Variants in AP2A2 observed in about 807,000 individuals in gnomAD.
AP2A2 encodes the protein adaptor related protein complex 2 subunit alpha 2, also known as AP-2 complex subunit alpha-2.
AP2A2 carries 32 observed loss-of-function variants against 104.2 expected under a neutral mutation model. The observed-to-expected ratio is 0.31, with a 90% CI of 0.23 to 0.41. The LOEUF (loss-of-function observed/expected upper bound fraction) is 0.41. Among genes scored for constraint, AP2A2 ranks in the 10% least tolerant of loss-of-function variants. The probability of loss-of-function intolerance (pLI) is 1.00; values close to 1 mark genes in which losing one functional copy is unlikely to be tolerated. For synonymous variants in AP2A2, 539 were observed against 533.3 expected, an observed-to-expected ratio of 1.01 and a Z score of -0.15; for missense variants, 912 against 1,261.0, an observed-to-expected ratio of 0.72 and a Z score of 4.19.
At chr11:967,571 A>G (rs1238217508) in intron 2 of AP2A2, among the ~76,000 whole-genome samples, 1 of 149,300 alleles carries the variant, frequency 6.7e-6, no homozygotes, top group Non-Finnish European at 1.5e-5. Flanking sequence ...CGTGTTAGTC[A>G]GGATGGTCTC....
rs757190222 is a variant in AP2A2 at position 935,603 on chromosome 11, G to GT, written c.67+9537dup. On this transcript the variant is annotated intron_variant, in intron 1 of 21. Coordinates refer to ENST00000448903, the MANE Select transcript of AP2A2 (RefSeq NM_012305.4). ...AAGTGTGAGCCACTGTGCCCGGCCA[G>GT]TTTTTTTTTTTTTTTTTTTTTTGAG... Among the ~76,000 whole-genome samples, 83 of 77,960 alleles carry GT rather than the reference G, an allele frequency of 1.1e-3. 4 individuals are homozygous for GT. Among genetic ancestry groups the GT allele is most frequent in the Non-Finnish European group, 1.4e-3 (60 of 41,584 alleles). 51.1% of individuals were successfully genotyped at this position (77,960 alleles called of 152,430 possible). A position where few individuals can be genotyped will look rare whatever the true frequency, so the allele number is the denominator to read the frequency against.
At chr11:1,008,875 A>AG (rs1856302160) in intron 18 of AP2A2, 1 of 568,274 alleles carries the variant, frequency 1.8e-6, no homozygotes, top group African/African-American at 1.9e-5. Context: ...AGTGAGGCAC[A>AG]GGGACGTCCT....
rs1335875239 is a variant in AP2A2, at chr11:964,098, C to A, written c.136+4593C>A. ...ACTGGAGACCCCCTTCCACTGTGAA[C>A]TGAAGGCCTCACCAGAGGGAATACC... On this transcript the variant is annotated intron_variant, in intron 2 of 21. Transcript: ENST00000448903. Among the ~76,000 whole-genome samples the A allele has an allele frequency of 3.3e-5, 5 of 152,338 alleles. No individual in the cohort carries two copies. The East Asian group carries it at 9.6e-4, about 29-fold the overall frequency.
At chr11:990,669 C>T (rs1484831511) in intron 10 of AP2A2, among the ~76,000 whole-genome samples, 1 of 151,926 alleles carries the variant, frequency 6.6e-6, no homozygotes, top group Non-Finnish European at 1.5e-5. Context: ...ACATGATGCT[C>T]CCCTCACCCC....
chr11:950,886 A>T (rs1854029545), intron 1 of AP2A2, among the ~76,000 whole-genome samples: 1 of 152,164 alleles, frequency 6.6e-6, no homozygotes, highest in African/African-American at 2.4e-5. Flanking sequence ...CGAGGTCAGG[A>T]GTTCAAGACC....
At chr11:927,506 C>G (rs1853157928) in intron 1 of AP2A2, among the ~76,000 whole-genome samples, 1 of 137,848 alleles carries the variant, frequency 7.3e-6, no homozygotes, top group African/African-American at 2.7e-5. Flanking sequence ...TTCCTGTACT[C>G]TGTTAAAAAA....
chr11:985,827 C>T (rs1270903947), intron 8 of AP2A2, among the ~76,000 whole-genome samples: 1 of 152,230 alleles, frequency 6.6e-6, no homozygotes, highest in African/African-American at 2.4e-5. Context: ...TTTCCTCCTT[C>T]CCCTGAGCAT....
At chr11:989,329 G>T (rs577021459) in intron 10 of AP2A2, among the ~76,000 whole-genome samples, 1 of 150,300 alleles carries the variant, frequency 6.7e-6, no homozygotes, top group South Asian at 2.1e-4. Flanking sequence ...GCGAAACTCT[G>T]TCTCAAAAAA....
At chr11:987,889 C>T (rs1349434453) in intron 9 of AP2A2, among the ~76,000 whole-genome samples, 4 of 152,246 alleles carry the variant, frequency 2.6e-5, no homozygotes, top group Non-Finnish European at 5.9e-5. Context: ...GTCCCCCGCA[C>T]GTCTGCGTGC....
chr11:998,235 CT>C (rs1355989827), intron 14 of AP2A2, among the ~76,000 whole-genome samples: 1 of 152,212 alleles, frequency 6.6e-6, no homozygotes, highest in Non-Finnish European at 1.5e-5. Context: ...CCCGTGTCGT[CT>C]TCTCTTGCAG....
intron 4 of AP2A2, 118 bp from the exon 5 acceptor site, chr11:976,977 G>A (rs541723004): frequency 9.8e-6 from 14 of 1,434,466 alleles, no homozygotes; most frequent in South Asian, 3.9e-5. Context: ...CCTGAGTGCT[G>A]TCTTGGCCCC....
rs1261056856 is a variant in AP2A2 at position 984,736 on chromosome 11, A to G, written c.797A>G (p.Gln266Arg). Residue 266 changes from glutamine to arginine, a missense_variant, in exon 7 of 22, where the codon CAG (glutamine) becomes CGG (arginine). Coordinates refer to ENST00000448903, the MANE Select transcript of AP2A2 (RefSeq NM_012305.4). The stretch of plus-strand genomic sequence containing the variant: ...TCTGTCAAACTGCTGAGACTGCTGC[A>G]GTGCTACCCACCCCCAGGTAACGCG... ...WLSVKLLRLL[Q>R]CYPPPDPAVR... 1 of 1,612,168 alleles carries G rather than the reference A, an allele frequency of 6.2e-7. No homozygotes were observed.
intron 14 of AP2A2, among the ~76,000 whole-genome samples, chr11:994,667 CT>C (rs1274250166): frequency 2.9e-5 from 4 of 138,828 alleles, no homozygotes; most frequent in Admixed American, 2.8e-4. Flanking sequence ...GGATGCCCCC[CT>C]GGCCTGTCCC....
In AP2A2 at chr11:1,010,731, C is replaced by T. The variant is rs1359262086; in HGVS notation, c.*106C>T. On this transcript the variant is annotated 3_prime_UTR_variant, in exon 22 of 22. Coordinates refer to ENST00000448903, the MANE Select transcript of AP2A2 (RefSeq NM_012305.4). ...GAGCACCGTGTCCAGTGCCACAGCA[C>T]AAGGCGCCTCCCCGCCCCGCCGCCC... The T allele has an allele frequency of 2.0e-5, 19 of 947,750 alleles. No homozygotes were observed. Among genetic ancestry groups the T allele is most frequent in the Admixed American group, 8.0e-5 (4 of 50,312 alleles). 58.7% of individuals were successfully genotyped at this position (947,750 alleles called of 1,614,324 possible). A position where few individuals can be genotyped will look rare whatever the true frequency, so the allele number is the denominator to read the frequency against.
At chr11:998,002 C>T (rs542483671) in intron 14 of AP2A2, among the ~76,000 whole-genome samples, 1 of 152,380 alleles carries the variant, frequency 6.6e-6, no homozygotes, top group East Asian at 1.9e-4. Flanking sequence ...GAGAAACTGT[C>T]TCCATTTGGG....
At chr11:984,351 C>T (rs1243764689) in intron 6 of AP2A2, among the ~76,000 whole-genome samples, 1 of 152,122 alleles carries the variant, frequency 6.6e-6, no homozygotes, top group Admixed American at 6.6e-5. Context: ...TCTCTGATTT[C>T]ATTCACGTGC....
chr11:978,303 G>A (rs908793964), intron 5 of AP2A2, among the ~76,000 whole-genome samples: 1 of 152,178 alleles, frequency 6.6e-6, no homozygotes, highest in Non-Finnish European at 1.5e-5. Context: ...CTGTGGGACT[G>A]GCCGGGACTG....
At chr11:932,970 T>A (rs933221226) in intron 1 of AP2A2, among the ~76,000 whole-genome samples, 18 of 152,252 alleles carry the variant, frequency 1.2e-4, no homozygotes, top group Admixed American at 1.0e-3. Flanking sequence ...TTTCCTTGGC[T>A]CTTAAAAAAA....
intron 2 of AP2A2, 53 bp from the exon 3 acceptor site, chr11:970,116 C>T (rs1246241544): frequency 2.5e-6 from 4 of 1,597,572 alleles, no homozygotes; most frequent in Non-Finnish European, 2.6e-6. Context: ...GCTCTCCCCT[C>T]TCCCCTGCCT....
Sources: allele counts gnomAD v4.1 joint callset (sites outside exome capture counted in the v4.1 genomes callset), GRCh38; gene constraint gnomAD v4.1.1; transcripts MANE v1.5; gene names NCBI Gene and HGNC (gene_info 2026-07-23, HGNC 2026-07-21).